Variants in TBC1D12 observed in about 807,000 individuals in gnomAD.
The protein encoded by TBC1D12 is TBC1 domain family, member 12.
Under a neutral mutation model 86.7 loss-of-function variants are expected in TBC1D12, and 56 were observed. That is an observed-to-expected ratio of 0.65 (90% CI 0.52 to 0.81). The LOEUF is 0.81. Among genes scored for constraint, TBC1D12 ranks in the 30% least tolerant of loss-of-function variants. The pLI is 0.00. For synonymous variants in TBC1D12, 421 were observed against 411.7 expected, an observed-to-expected ratio of 1.02 and a Z score of -0.27; for missense variants, 1,023 against 1,038.8, an observed-to-expected ratio of 0.98 and a Z score of 0.21.
intron 2 of TBC1D12, among the ~76,000 whole-genome samples, chr10:94,463,270 T>C (rs1340736419): frequency 6.6e-6 from 1 of 152,090 alleles, no homozygotes; most frequent in Non-Finnish European, 1.5e-5. Context: ...GGAAACTGAG[T>C]GATTTATAAA....
chr10:94,442,498 A>G (rs1023707133), intron 2 of TBC1D12, among the ~76,000 whole-genome samples: 2 of 152,330 alleles, frequency 1.3e-5, no homozygotes, highest in South Asian at 2.1e-4. Context: ...TTTGTAAATG[A>G]GAAGAGTTGG....
intron 5 of TBC1D12, among the ~76,000 whole-genome samples, chr10:94,499,880 C>T (rs1166643409): frequency 6.6e-6 from 1 of 152,138 alleles, no homozygotes; most frequent in African/African-American, 2.4e-5. Context: ...ACTGTAGATT[C>T]TTGGTTGTTT....
chr10:94,413,291 T>G (rs1454825302), intron 1 of TBC1D12, among the ~76,000 whole-genome samples: 5 of 152,254 alleles, frequency 3.3e-5, no homozygotes, highest in Non-Finnish European at 7.3e-5. Context: ...GGGAAAAATC[T>G]TTTATTTTCA....
intron 9 of TBC1D12, among the ~76,000 whole-genome samples, chr10:94,512,575 A>C (rs1018968770): frequency 6.6e-6 from 1 of 152,226 alleles, no homozygotes; most frequent in East Asian, 1.9e-4. Context: ...GAACAAAATG[A>C]TTTCTGTCCT....
chr10:94,471,953 C>T (rs1017525878), intron 2 of TBC1D12, among the ~76,000 whole-genome samples: 4 of 152,110 alleles, frequency 2.6e-5, no homozygotes, highest in East Asian at 3.8e-4. Context: ...AAGAATATTT[C>T]AAGAATGGTA....
chr10:94,479,808 C>T (rs1480356336), intron 3 of TBC1D12, among the ~76,000 whole-genome samples: 1 of 152,160 alleles, frequency 6.6e-6, no homozygotes, highest in Non-Finnish European at 1.5e-5. Flanking sequence ...TTCAGCTACA[C>T]ATAAGAGACT....
intron 4 of TBC1D12, among the ~76,000 whole-genome samples, chr10:94,496,090 G>A (rs1421491067): frequency 6.6e-6 from 1 of 151,972 alleles, no homozygotes; most frequent in Non-Finnish European, 1.5e-5. Flanking sequence ...GCAACAGAGC[G>A]AGACTCTGTT....
intron 11 of TBC1D12, among the ~76,000 whole-genome samples, chr10:94,527,388 G>A (rs1033389300): frequency 6.7e-6 from 1 of 149,772 alleles, no homozygotes; most frequent in Non-Finnish European, 1.5e-5. Context: ...GGTGCCTGGC[G>A]TTTGTTTTTT....
At chr10:94,449,424 A>C (rs1320397231) in intron 2 of TBC1D12, among the ~76,000 whole-genome samples, 1 of 152,154 alleles carries the variant, frequency 6.6e-6, no homozygotes, top group Non-Finnish European at 1.5e-5. Flanking sequence ...TTTGTCTCCT[A>C]ATTCATAGAT....
chr10:94,489,117 A>G (rs1002053607), intron 3 of TBC1D12, among the ~76,000 whole-genome samples: 1 of 152,242 alleles, frequency 6.6e-6, no homozygotes, highest in East Asian at 1.9e-4. Context: ...CTGTCTTTCA[A>G]GTTCACTTAG....
At chr10:94,414,049 C>A (rs1205514931) in intron 1 of TBC1D12, among the ~76,000 whole-genome samples, 1 of 152,044 alleles carries the variant, frequency 6.6e-6, no homozygotes, top group East Asian at 1.9e-4. Flanking sequence ...CATTCAAATA[C>A]TATAATAGTT....
chr10:94,504,322 C>G (rs1389828548), intron 6 of TBC1D12, among the ~76,000 whole-genome samples: 1 of 152,098 alleles, frequency 6.6e-6, no homozygotes, highest in African/African-American at 2.4e-5. Context: ...TTTTGTGATA[C>G]TATAATCAAA....
chr10:94,450,312 C>T (rs2055530043), intron 2 of TBC1D12, among the ~76,000 whole-genome samples: 1 of 151,704 alleles, frequency 6.6e-6, no homozygotes, highest in Admixed American at 6.6e-5. Context: ...TATGAGAGTA[C>T]AGTTGAAAGA....
intron 2 of TBC1D12, among the ~76,000 whole-genome samples, chr10:94,462,546 G>A (rs1449265284): frequency 1.3e-5 from 2 of 152,130 alleles, no homozygotes; most frequent in African/African-American, 4.8e-5. Flanking sequence ...TTGTTGTTGA[G>A]CATATTTTTA....
chr10:94,531,052 G>A (rs886220369), intron 11 of TBC1D12, 150 bp from the exon 12 acceptor site: 6 of 824,670 alleles, frequency 7.3e-6, no homozygotes, highest in Non-Finnish European at 1.1e-5. Context: ...TAGAGACGGG[G>A]TTTCACCGTG....
At chr10:94,521,653 C>T in intron 9 of TBC1D12, among the ~76,000 whole-genome samples, 1 of 152,056 alleles carries the variant, frequency 6.6e-6, no homozygotes, top group Non-Finnish European at 1.5e-5. Context: ...AGAATTCAGA[C>T]TGAGAGGAAA....
At position 94,507,252 on chromosome 10, in the gene TBC1D12, C is replaced by T; in HGVS notation, c.1520-15C>T. On this transcript the variant is annotated splice_polypyrimidine_tract_variant and intron_variant, in intron 6 of 12. Coordinates refer to ENST00000225235, the MANE Select transcript of TBC1D12 (RefSeq NM_015188.2). ...CCTATTATTCATACATTTTTGTTCT[C>T]CCCCCAACCCCCAGAACTTTATGAA... 1 of 1,597,060 alleles carries T rather than the reference C, an allele frequency of 6.3e-7. No homozygotes were observed. Among genetic ancestry groups the T allele is most frequent in the Non-Finnish European group, 8.5e-7 (1 of 1,175,772 alleles).
In TBC1D12 at chr10:94,403,032, T is replaced by C; in HGVS notation, c.419T>C (p.Phe140Ser). The C allele has an allele frequency of 6.4e-7, 1 of 1,570,756 alleles. No individual in the cohort carries two copies. Among genetic ancestry groups the C allele is most frequent in the Non-Finnish European group, 8.6e-7 (1 of 1,162,780 alleles). Residue 140 changes from phenylalanine (F) to serine (S), a missense_variant, in exon 1 of 13, where the codon TTT becomes TCT. This residue lies in a region of TBC1D12 where 628 missense variants were observed against 531.1 expected (regional missense o/e 1.18). Transcript: ENST00000225235. ...HEGMTNGDSG[F>S]LPGRDCRDLE... Reference sequence around the variant, plus strand: ...GGCATGACCAACGGCGACTCGGGTTTTCTGCCGGGCCGGGACTGTCGCGAT... The same window carrying C: ...GGCATGACCAACGGCGACTCGGGTTCTCTGCCGGGCCGGGACTGTCGCGAT...
rs2055383976 is a variant in TBC1D12, at chr10:94,441,653, C to T, written c.972-243C>T. Among the ~76,000 whole-genome samples, 4 of 152,118 alleles carry T rather than the reference C, an allele frequency of 2.6e-5. No homozygotes were observed. The South Asian group carries it at 8.3e-4, about 32-fold the overall frequency. ...GTTTGTTACACAGGTATACGTGTGC[C>T]ATGGTGGTTTGCTGCCCCTATCAAC... is the stretch of plus-strand genomic sequence containing the variant. On this transcript the variant is annotated intron_variant, in intron 1 of 12. Coordinates refer to ENST00000225235, the MANE Select transcript of TBC1D12 (RefSeq NM_015188.2).
Sources: allele counts gnomAD v4.1 joint callset (sites outside exome capture counted in the v4.1 genomes callset), GRCh38; gene constraint gnomAD v4.1.1; regional missense constraint gnomAD v4.1.1; transcripts MANE v1.5; gene names NCBI Gene and HGNC (gene_info 2026-07-23, HGNC 2026-07-21).